COL4A2: variants seen among roughly 807,000 people sequenced by gnomAD.
COL4A2 encodes the protein collagen alpha-2(IV) chain.
A neutral mutation model predicts 200.2 loss-of-function variants in COL4A2; 99 were observed. The ratio of observed to expected loss-of-function variants is 0.49; its 90% CI spans 0.42 to 0.58. The LOEUF is 0.58. Among genes scored for constraint, COL4A2 ranks in the 20% least tolerant of loss-of-function variants. COL4A2 has a pLI of 0.00. For synonymous variants in COL4A2, 897 were observed against 900.6 expected (o/e 1.00, Z 0.07); for missense variants, 1,950 against 2,314.1 (o/e 0.84, Z 3.23).
At chr13:110,374,207 C>T (rs1336165470) in intron 4 of COL4A2, among the ~76,000 whole-genome samples, 1 of 152,178 alleles carries the variant, frequency 6.6e-6, no homozygotes. Context: ...TCCATTCACA[C>T]TTCCTCCTTA....
chr13:110,449,888 G>A lies in COL4A2; in HGVS notation c.1189+99G>A, dbSNP rs564869100. On this transcript the variant is annotated intron_variant, in intron 19 of 47. Transcript: ENST00000360467. Reference sequence around the variant, plus strand: ...ACTTCGTTGACGACGTAGCTATGTCGTTGTTACTTTTCCCCACTGACTAGT... The same window carrying A: ...ACTTCGTTGACGACGTAGCTATGTCATTGTTACTTTTCCCCACTGACTAGT... The A allele has an allele frequency of 6.6e-5, 88 of 1,336,730 alleles. No individual in the cohort carries two copies. The African/African-American group carries it at 1.0e-3, about 16-fold the overall frequency. 82.8% of individuals were successfully genotyped at this position (1,336,730 alleles called of 1,614,324 possible).
At chr13:110,459,089 C>A in intron 22 of COL4A2, 155 bp downstream of exon 22, 1 of 691,872 alleles carries the variant, frequency 1.4e-6, no homozygotes, top group Non-Finnish European at 2.2e-6. Context: ...CCCACATACC[C>A]CAAGGCGGAC....
chr13:110,455,400 T>C (rs919406536), intron 20 of COL4A2, among the ~76,000 whole-genome samples: 4 of 152,168 alleles, frequency 2.6e-5, no homozygotes, highest in African/African-American at 9.7e-5. Flanking sequence ...TGGGCTTTAA[T>C]TGAAGCATCA....
intron 40 of COL4A2, among the ~76,000 whole-genome samples, chr13:110,498,086 A>C (rs1203118220): frequency 2.0e-5 from 3 of 152,372 alleles, no homozygotes; most frequent in African/African-American, 4.8e-5. Context: ...CCTTTAAATC[A>C]GACACCTGTT....
intron 4 of COL4A2, among the ~76,000 whole-genome samples, chr13:110,423,457 G>C (rs1375248617): frequency 6.6e-6 from 1 of 152,144 alleles, no homozygotes; most frequent in African/African-American, 2.4e-5. Context: ...GGGGGAGGGA[G>C]AGCATCAGGA....
intron 20 of COL4A2, among the ~76,000 whole-genome samples, chr13:110,451,440 G>T (rs1881534818): frequency 6.6e-6 from 1 of 152,224 alleles, no homozygotes; most frequent in African/African-American, 2.4e-5. Context: ...CTTATTAAAG[G>T]AAAGAGGTTT....
At position 110,307,791 on chromosome 13, in the gene COL4A2, C is replaced by G. The variant is rs1431673827; in HGVS notation, c.-44-69C>G. On this transcript the variant is annotated intron_variant, in intron 1 of 47. Coordinates refer to ENST00000360467, the MANE Select transcript of COL4A2 (RefSeq NM_001846.4). This position sits in a 1 kb window ranked among gnomAD's most constrained non-coding sequence, Gnocchi z 5.0. ...CGCGCTGTCCCCGCGTCTCGCGGAC[C>G]GAGACCGGCGGTGAGGATGGGCTGC... 4 of 1,405,668 alleles carry G rather than the reference C, an allele frequency of 2.8e-6. No individual in the cohort carries two copies. The highest frequency in any genetic ancestry group is 3.8e-6 in the Non-Finnish European group (4 of 1,044,012). The allele number at this position is 1,405,668 out of a possible 1,614,324, so 87.1% of individuals were successfully genotyped here.
intron 4 of COL4A2, among the ~76,000 whole-genome samples, chr13:110,420,107 T>C (rs1880190236): frequency 6.6e-6 from 1 of 152,096 alleles, no homozygotes; most frequent in Admixed American, 6.5e-5. Flanking sequence ...TCTGCATTTA[T>C]AGCAAGCCCC....
intron 21 of COL4A2, 125 bp from the exon 22 acceptor site, chr13:110,458,646 C>G (rs1295644121): frequency 5.3e-6 from 6 of 1,128,032 alleles, no homozygotes; most frequent in East Asian, 2.4e-5. Context: ...TAGTGCCCAT[C>G]AGAACAGGCA....
At chr13:110,339,519 G>A (rs1437714059) in intron 3 of COL4A2, among the ~76,000 whole-genome samples, 3 of 152,196 alleles carry the variant, frequency 2.0e-5, no homozygotes, top group East Asian at 3.8e-4. Flanking sequence ...GAGCCAGAGG[G>A]AGTGCATGTC....
chr13:110,343,488 C>T (rs966974098), intron 3 of COL4A2, among the ~76,000 whole-genome samples: 5 of 152,318 alleles, frequency 3.3e-5, no homozygotes, highest in Middle Eastern at 3.4e-3. Context: ...ATTCACTTGG[C>T]AGCGTACCTC....
intron 4 of COL4A2, among the ~76,000 whole-genome samples, chr13:110,404,850 G>A (rs1421216960): frequency 1.3e-5 from 2 of 152,216 alleles, no homozygotes; most frequent in African/African-American, 2.4e-5. Context: ...AATGAGTTGG[G>A]GCTGGGCACG....
At chr13:110,425,682 T>G (rs989732129) in intron 6 of COL4A2, among the ~76,000 whole-genome samples, 20 of 152,188 alleles carry the variant, frequency 1.3e-4, no homozygotes, top group Non-Finnish European at 5.9e-5. Flanking sequence ...AGACATCTGC[T>G]TCACAAACCT....
chr13:110,410,173 A>C, intron 4 of COL4A2, among the ~76,000 whole-genome samples: 1 of 152,238 alleles, frequency 6.6e-6, no homozygotes, highest in East Asian at 1.9e-4. Flanking sequence ...GCTTCAAGGC[A>C]ACAGGGAGCG....
At position 110,307,907 on chromosome 13, in the gene COL4A2, G is replaced by A. The variant is rs752976373; in HGVS notation, c.4G>A (p.Gly2Arg). 80 of 1,612,530 alleles carry A rather than the reference G, an allele frequency of 5.0e-5. No individual in the cohort carries two copies. Among genetic ancestry groups the A allele is most frequent in the Non-Finnish European group, 6.6e-5 (78 of 1,179,484 alleles). ...CCAGAGTGGACGAACCGCCAGCATG[G>A]GGAGAGACCAGCGCGCGGTGGCCGG... Reference protein sequence around the residue: MGRDQRAVAGPA... With the variant: MRRDQRAVAGPA... Residue 2 changes from glycine (G) to arginine (R), a missense_variant, in exon 2 of 48, where the codon GGG (glycine) becomes AGG (arginine). Physicochemically the swap from Gly to Arg is moderately radical, Grantham distance 125 (BLOSUM62 -2). Around this residue, in one of 2 missense-constraint regions of COL4A2, gnomAD observed 565 missense variants for 593.5 expected, o/e 0.95. Transcript: ENST00000360467. This position sits in a 1 kb window ranked among gnomAD's most constrained non-coding sequence, Gnocchi z 5.0.
chr13:110,388,520 T>C (rs1878858718), intron 4 of COL4A2, among the ~76,000 whole-genome samples: 2 of 152,222 alleles, frequency 1.3e-5, no homozygotes, highest in Non-Finnish European at 2.9e-5. Context: ...CAGAGCAAGA[T>C]GAATGCTGTT....
chr13:110,409,014 A>G (rs1879713237), intron 4 of COL4A2, among the ~76,000 whole-genome samples: 1 of 98,658 alleles, frequency 1.0e-5, no homozygotes, highest in Non-Finnish European at 2.1e-5. Context: ...ACACACACAT[A>G]CACATGGACA....
rs15457 is a variant in COL4A2 at position 110,512,918 on chromosome 13, G to C, written c.*727G>C. 0.44 allele frequency: 66,890 copies of C among 151,878 alleles called. 15,104 individuals carry two copies. Among genetic ancestry groups the C allele is most frequent in the East Asian group, 0.75 (3,879 of 5,154 alleles). The allele number at this position is 151,878 out of a possible 1,614,324, so 9.4% of individuals were successfully genotyped here. A position where few individuals can be genotyped will look rare whatever the true frequency, so the allele number is the denominator to read the frequency against. On this transcript the variant is annotated 3_prime_UTR_variant, in exon 48 of 48. Coordinates refer to ENST00000360467, the MANE Select transcript of COL4A2 (RefSeq NM_001846.4). ...GGAGGTGCTGTCCCCACTGCCCCAC[G>C]TTGTCCCTGAGATTTAACCCCTCCA...
intron 18 of COL4A2, among the ~76,000 whole-genome samples, chr13:110,447,770 A>G (rs1218129438): frequency 6.8e-6 from 1 of 146,910 alleles, no homozygotes; most frequent in Admixed American, 6.8e-5. Flanking sequence ...GAAACATATC[A>G]GACAGGCATT....
Sources: allele counts gnomAD v4.1 joint callset (sites outside exome capture counted in the v4.1 genomes callset), GRCh38; gene constraint gnomAD v4.1.1; regional missense constraint gnomAD v4.1.1; non-coding constraint Gnocchi (gnomAD v3.1); transcripts MANE v1.5; gene names NCBI Gene and HGNC (gene_info 2026-07-23, HGNC 2026-07-21).